Variants in ANKS3 observed in about 807,000 individuals in gnomAD.
The protein encoded by ANKS3 is ankyrin repeat and SAM domain-containing protein 3.
A neutral mutation model predicts 80.7 loss-of-function variants in ANKS3; 62 were observed. That is an observed-to-expected ratio of 0.77 (90% CI 0.63 to 0.95). ANKS3 has a LOEUF of 0.95. ANKS3 is among the 40% of genes least tolerant of loss of function. ANKS3 has a pLI of 0.00. For missense variants in ANKS3, 1,150 were observed against 883.6 expected, an observed-to-expected ratio of 1.30 and a Z score of -3.82; for synonymous variants, 489 against 355.3, an observed-to-expected ratio of 1.38 and a Z score of -4.23.
rs750427907 is a variant in ANKS3 at position 4,726,973 on chromosome 16, G to A, written c.369+6C>T. On this transcript the variant is annotated splice_donor_region_variant and intron_variant, in intron 4 of 17. Coordinates refer to ENST00000304283, the MANE Select transcript of ANKS3 (RefSeq NM_133450.4). ...GTTTCTGGGCCTGAGTTCCCTCGTA[G>A]CTCACCTGGAGAAGAAAGTAGGCGA... 17 of 1,613,840 alleles carry A rather than the reference G, an allele frequency of 1.1e-5. No homozygotes were observed. Among genetic ancestry groups the A allele is most frequent in the Non-Finnish European group, 1.4e-5 (17 of 1,180,032 alleles).
At position 4,714,048 on chromosome 16, in the gene ANKS3, T is replaced by C. The variant is rs1419586033; in HGVS notation, c.709+3A>G. 1 of 1,613,804 alleles carries C rather than the reference T, an allele frequency of 6.2e-7. No homozygotes were observed. Among genetic ancestry groups the C allele is most frequent in the East Asian group, 2.2e-5 (1 of 44,862 alleles). ...GCAGGGCGCGGCTGGCAGGTGTGGGTACCTGGGCTCCGATAGAGGCTCTTG... is the reference window on the plus strand; with the variant it reads ...GCAGGGCGCGGCTGGCAGGTGTGGGCACCTGGGCTCCGATAGAGGCTCTTG... On this transcript the variant is annotated splice_donor_region_variant and intron_variant, in intron 7 of 17. Coordinates refer to ENST00000304283, the MANE Select transcript of ANKS3 (RefSeq NM_133450.4).
At position 4,726,649 on chromosome 16, in the gene ANKS3, T is replaced by C; in HGVS notation, c.491+10A>G. The C allele has an allele frequency of 1.2e-6, 2 of 1,612,812 alleles. No individual in the cohort carries two copies. The highest frequency in any genetic ancestry group is 2.2e-5 in the South Asian group (2 of 91,052). ...GCCACTCCTGTGGCCACTAAAGATG[T>C]GGCAATCACCTCACGTTGGCATTGG... is the stretch of plus-strand genomic sequence containing the variant. On this transcript the variant is annotated intron_variant, in intron 5 of 17. Transcript: ENST00000304283.
intron 3 of ANKS3, chr16:4,727,581 A>C: frequency 3.7e-6 from 1 of 271,512 alleles, no homozygotes; most frequent in Non-Finnish European, 7.2e-6. Context: ...GACAGCCCCC[A>C]CAGCAAAGAA....
In ANKS3 at chr16:4,697,054, T is replaced by G; in HGVS notation, c.1945A>C (p.Asn649His). 1 of 1,613,850 alleles carries G rather than the reference T, an allele frequency of 6.2e-7. No individual in the cohort carries two copies. The highest frequency in any genetic ancestry group is 1.1e-5 in the South Asian group (1 of 91,066). ...TAGGTCTCCCGCCACTTCTTCCCGT[T>G]CAGCACCTGCAGCTTCTCCAGGCTC... is the stretch of plus-strand genomic sequence containing the variant. Reference protein sequence around the residue: ...TQSLEKLQVLNGKKWRET With the variant: ...TQSLEKLQVLHGKKWRET The change falls in exon 17 of 18, where the codon AAC becomes CAC. Residue 649 changes from asparagine to histidine, a missense_variant. Asn to His is a moderately conservative substitution (Grantham distance 68). Coordinates refer to ENST00000304283, the MANE Select transcript of ANKS3 (RefSeq NM_133450.4).
intron 11 of ANKS3, chr16:4,700,765 G>A: frequency 1.3e-6 from 1 of 788,530 alleles, no homozygotes; most frequent in Non-Finnish European, 2.2e-6. Context: ...TCCTTTCCGT[G>A]GAGAGGAACA....
chr16:4,713,776 C>A (rs544910650), intron 7 of ANKS3, among the ~76,000 whole-genome samples: 1 of 152,300 alleles, frequency 6.6e-6, no homozygotes, highest in African/African-American at 2.4e-5. Context: ...AAACAGAAAA[C>A]TAAGAGGGGC....
intron 7 of ANKS3, among the ~76,000 whole-genome samples, chr16:4,712,942 A>C (rs2080574557): frequency 6.6e-6 from 1 of 152,160 alleles, no homozygotes; most frequent in African/African-American, 2.4e-5. Flanking sequence ...TAACCTGAAC[A>C]ATGTAAGAAT....
intron 7 of ANKS3, among the ~76,000 whole-genome samples, chr16:4,713,391 A>G (rs752719671): frequency 9.2e-5 from 14 of 152,206 alleles, no homozygotes; most frequent in Non-Finnish European, 1.0e-4. Context: ...CCTGTTCTCC[A>G]AAAACCTACT....
chr16:4,721,617 G>GATTT (rs778426725), intron 6 of ANKS3, among the ~76,000 whole-genome samples: 1,285 of 89,752 alleles, frequency 0.014, 21 homozygotes, highest in African/African-American at 0.025. Flanking sequence ...TCTCTTTATT[G>GATTT]ATTTATTGAT....
chr16:4,727,012 A>G lies in ANKS3; in HGVS notation c.336T>C (p.Cys112=), dbSNP rs2081388051. The change falls in exon 4 of 18, where the codon TGT becomes TGC. Residue 112 remains cysteine (C), a synonymous_variant. Coordinates refer to ENST00000304283, the MANE Select transcript of ANKS3 (RefSeq NM_133450.4). Reference sequence around the variant, plus strand: ...GAAAGTAGGCGATGCTCTCGTTGCCACAGCTGGAGGCCAGCATCAGTGGAG... The same window carrying G: ...GAAAGTAGGCGATGCTCTCGTTGCCGCAGCTGGAGGCCAGCATCAGTGGAG... ...GQTPLMLASS[C]GNESIAYFLL... 1 of 1,614,206 alleles carries G rather than the reference A, an allele frequency of 6.2e-7. No individual in the cohort carries two copies.
At chr16:4,715,934 G>T (rs552882738) in intron 6 of ANKS3, among the ~76,000 whole-genome samples, 1 of 152,034 alleles carries the variant, frequency 6.6e-6, no homozygotes, top group East Asian at 1.9e-4. Context: ...GAATCAGAAG[G>T]AACTTAAAAT....
Position 4,709,781 on chromosome 16 carries a change from C to T in ANKS3, c.709+4270G>A, listed in dbSNP as rs1029970437. On this transcript the variant is annotated intron_variant, in intron 7 of 17. Coordinates refer to ENST00000304283, the MANE Select transcript of ANKS3 (RefSeq NM_133450.4). ...ATCCCAACACTCTGGGAGGCCAAGG[C>T]GAGAGGATCACTTGAGCCCAGGAGT... Among the ~76,000 whole-genome samples, 9 of 152,072 alleles carry T rather than the reference C, an allele frequency of 5.9e-5. No individual in the cohort carries two copies. In the South Asian group the frequency reaches 1.4e-3, roughly 24 times the overall value.
chr16:4,726,900 G>A, intron 4 of ANKS3, 79 bp downstream of exon 4: 1 of 1,604,620 alleles, frequency 6.2e-7, no homozygotes, highest in Non-Finnish European at 8.5e-7. Context: ...GAACACCGTG[G>A]CCTGCAGTGG....
In ANKS3 at chr16:4,699,036, G is replaced by A; in HGVS notation, c.1409+16C>T. ...CAACCCCGGGCTGAGGGCCAGAGCG[G>A]CCCTTCTGGACGCACGTGATGCCAA... On this transcript the variant is annotated intron_variant, in intron 12 of 17. Transcript: ENST00000304283. 1.2e-6 allele frequency: 2 copies of A among 1,614,190 alleles called. No homozygotes were observed. Among genetic ancestry groups the A allele is most frequent in the South Asian group, 1.1e-5 (1 of 91,088 alleles).
chr16:4,721,604 C>A (rs1434698920), intron 6 of ANKS3, among the ~76,000 whole-genome samples: 1 of 144,638 alleles, frequency 6.9e-6, no homozygotes, highest in South Asian at 2.3e-4. Context: ...GAGCAAGACC[C>A]CATCTCTTTA....
rs1276058079 is a variant in ANKS3 at position 4,714,067 on chromosome 16, G to A, written c.693C>T (p.Ser231=). 5.0e-6 allele frequency: 8 copies of A among 1,614,190 alleles called. No individual in the cohort carries two copies. The highest frequency in any genetic ancestry group is 1.3e-5 in the African/African-American group (1 of 75,062). The part of the protein sequence containing the change: ...MDTYSPSLPK[S]LYRSPEKYED... ...TGTGGGTACCTGGGCTCCGATAGAGGCTCTTGGGCAGAGAGGGCGAGTAAG... is the reference window on the plus strand; with the variant it reads ...TGTGGGTACCTGGGCTCCGATAGAGACTCTTGGGCAGAGAGGGCGAGTAAG... The change falls in exon 7 of 18, where the codon AGC becomes AGT. Residue 231 remains serine, a synonymous_variant. Transcript: ENST00000304283.
rs1596456350 is a variant in ANKS3 at position 4,727,420 on chromosome 16, G to A, written c.171-243C>T. ...TGATTTCGCATCCTCCTAGCCCAAG[G>A]CCAGCTATGCTCTTTCACACCACCA... On this transcript the variant is annotated intron_variant, in intron 3 of 17. Transcript: ENST00000304283. 5.3e-6 allele frequency: 3 copies of A among 569,130 alleles called. No homozygotes were observed. In the East Asian group the frequency reaches 8.9e-5, roughly 17 times the overall value. 35.3% of individuals were successfully genotyped at this position (569,130 alleles called of 1,614,324 possible).
At chr16:4,698,970 C>A in intron 12 of ANKS3, 29 bp from the exon 13 acceptor site, 1 of 1,612,288 alleles carries the variant, frequency 6.2e-7, no homozygotes. Context: ...CAGGATATGC[C>A]TCAGCGTCCC....
Position 4,701,594 on chromosome 16 carries a change from C to T in ANKS3, c.1010-51G>A, listed in dbSNP as rs372677512. On this transcript the variant is annotated intron_variant, in intron 9 of 17. Transcript: ENST00000304283. ...GCCTGCAGCCCTCACCGAGGTGCTGCGCATGGGCGTGCCCCGGGCTGAGCC... is the reference window on the plus strand; with the variant it reads ...GCCTGCAGCCCTCACCGAGGTGCTGTGCATGGGCGTGCCCCGGGCTGAGCC... 500 of 1,530,728 alleles carry T rather than the reference C, an allele frequency of 3.3e-4. 2 individuals are homozygous for T. The Middle Eastern group carries it at 3.6e-3, about 11-fold the overall frequency. The allele number at this position is 1,530,728 out of a possible 1,614,324, so 94.8% of individuals were successfully genotyped here. A position where few individuals can be genotyped will look rare whatever the true frequency, so the allele number is the denominator to read the frequency against.
Sources: gnomAD v4.1 joint callset for allele counts (sites outside exome capture counted in the v4.1 genomes callset) on GRCh38, gnomAD v4.1.1 for gene constraint, MANE v1.5 for transcripts, NCBI Gene and HGNC (gene_info 2026-07-23, HGNC 2026-07-21) for gene names.